KDM4A: variants seen among roughly 807,000 people sequenced by gnomAD.
The protein encoded by KDM4A is lysine demethylase 4A, also known as lysine-specific demethylase 4A.
A neutral mutation model predicts 127.1 loss-of-function variants in KDM4A; 23 were observed. The ratio of observed to expected loss-of-function variants is 0.18; its 90% CI spans 0.13 to 0.26. The LOEUF is 0.26. KDM4A is among the 10% of genes least tolerant of loss of function. KDM4A has a pLI of 1.00. For missense variants in KDM4A, 890 were observed against 1,329.1 expected (o/e 0.67, Z 5.14); for synonymous variants, 443 against 466.5 (o/e 0.95, Z 0.65).
intron 19 of KDM4A, among the ~76,000 whole-genome samples, chr1:43,701,573 C>A (rs1661395055): frequency 6.6e-6 from 1 of 152,210 alleles, no homozygotes; most frequent in Non-Finnish European, 1.5e-5. Flanking sequence ...TGGCTCACTG[C>A]AGCCTCATCC....
intron 11 of KDM4A, among the ~76,000 whole-genome samples, chr1:43,677,133 T>G (rs1472229021): frequency 6.6e-6 from 1 of 152,008 alleles, no homozygotes; most frequent in Non-Finnish European, 1.5e-5. Flanking sequence ...TCATCTGAGG[T>G]CAGGAGTGCG....
At position 43,694,941 on chromosome 1, in the gene KDM4A, C is replaced by A. The variant is rs754127270; in HGVS notation, c.2670+47C>A. ...GAATCCTCTTGACAGTTTTCATGGT[C>A]ATTTTCTCTGCATGTTTTCCATTTG... On this transcript the variant is annotated intron_variant, in intron 18 of 21. Transcript: ENST00000372396. This position sits in a 1 kb window ranked among gnomAD's most constrained non-coding sequence, Gnocchi z 5.2. The A allele has an allele frequency of 2.0e-6, 3 of 1,508,866 alleles. No individual in the cohort carries two copies. Among genetic ancestry groups the A allele is most frequent in the South Asian group, 2.4e-5 (2 of 83,920 alleles). 93.5% of individuals were successfully genotyped at this position (1,508,866 alleles called of 1,614,324 possible).
At chr1:43,670,050 A>G (rs752196892) in intron 10 of KDM4A, among the ~76,000 whole-genome samples, 7 of 152,214 alleles carry the variant, frequency 4.6e-5, no homozygotes, top group Non-Finnish European at 8.8e-5. Flanking sequence ...CTGTGTGACC[A>G]GAAGGTGACG....
intron 5 of KDM4A, among the ~76,000 whole-genome samples, 169 bp downstream of exon 5, chr1:43,663,256 G>A (rs1660424736): frequency 1.3e-5 from 2 of 152,138 alleles, no homozygotes; most frequent in Admixed American, 1.3e-4. Context: ...GCTTGCTGTT[G>A]GAGCTCTGGT....
intron 12 of KDM4A, among the ~76,000 whole-genome samples, chr1:43,687,456 A>G (rs1414044627): frequency 6.6e-6 from 1 of 152,310 alleles, no homozygotes; most frequent in East Asian, 1.9e-4. Context: ...AGCGAGATGC[A>G]TGGATCCCCT....
chr1:43,655,886 C>G (rs2274465), intron 3 of KDM4A, 120 bp downstream of exon 3: 235,668 of 739,136 alleles, frequency 0.32, 39,043 homozygotes, highest in Non-Finnish European at 0.36. Context: ...TGGCTCTGTT[C>G]TAGCTGTCTC....
chr1:43,694,682 C>A lies in KDM4A; in HGVS notation c.2485-27C>A. On this transcript the variant is annotated intron_variant, in intron 17 of 21. Transcript: ENST00000372396. The surrounding 1 kb of genome is among the most constrained non-coding windows in gnomAD (Gnocchi z 5.2). ...AAGCTGCAGTGCCAGTTCCTGCAAT[C>A]ACTGGTTTTCTTCCCCTGTGCTACA... The A allele has an allele frequency of 6.3e-7, 1 of 1,578,838 alleles. No individual in the cohort carries two copies. The highest frequency in any genetic ancestry group is 1.1e-5 in the South Asian group (1 of 89,772).
intron 11 of KDM4A, among the ~76,000 whole-genome samples, chr1:43,682,191 A>T (rs1226359606): frequency 6.6e-6 from 1 of 152,136 alleles, no homozygotes; most frequent in Non-Finnish European, 1.5e-5. Context: ...GGATCCGCCT[A>T]CCTCAGCCTC....
At chr1:43,703,798 T>C (rs1661471838) in intron 20 of KDM4A, 62 bp downstream of exon 20, 1 of 1,603,714 alleles carries the variant, frequency 6.2e-7, no homozygotes. Context: ...TGCTTCCTGT[T>C]GGGCCAGAGG....
At chr1:43,652,898 G>T (rs1222387069) in intron 1 of KDM4A, among the ~76,000 whole-genome samples, 3 of 151,610 alleles carry the variant, frequency 2.0e-5, no homozygotes, top group Non-Finnish European at 4.4e-5. Flanking sequence ...TGGCCAGGCT[G>T]GTCTCAAACT....
chr1:43,663,187 C>G, intron 5 of KDM4A, 100 bp downstream of exon 5: 1 of 1,037,762 alleles, frequency 9.6e-7, no homozygotes, highest in Admixed American at 2.4e-5. Flanking sequence ...AAAGGGCAGA[C>G]CCTGGTTCAG....
chr1:43,694,225 C>G lies in KDM4A; in HGVS notation c.2484+123C>G. 1.3e-6 allele frequency: 1 copy of G among 769,280 alleles called. No individual in the cohort carries two copies. Among genetic ancestry groups the G allele is most frequent in the Non-Finnish European group, 2.1e-6 (1 of 469,748 alleles). 47.7% of individuals were successfully genotyped at this position (769,280 alleles called of 1,614,324 possible). On this transcript the variant is annotated intron_variant, in intron 17 of 21. Transcript: ENST00000372396. This position sits in a 1 kb window ranked among gnomAD's most constrained non-coding sequence, Gnocchi z 5.2. ...GTGATTCTCACTCTGTGGTTAGATT[C>G]CTTAGTGGAGGCCAGGTGTGGTGGC...
chr1:43,655,788 C>T (rs1429473103), intron 3 of KDM4A, 22 bp downstream of exon 3: 2 of 1,592,594 alleles, frequency 1.3e-6, no homozygotes, highest in African/African-American at 2.7e-5. Flanking sequence ...CCCTTTCTTA[C>T]CTGACATAGC....
chr1:43,692,273 A>G lies in KDM4A; in HGVS notation c.2337A>G (p.Ser779=), dbSNP rs1661135289. The G allele has an allele frequency of 1.2e-6, 2 of 1,614,146 alleles. No homozygotes were observed. Among genetic ancestry groups the G allele is most frequent in the East Asian group, 2.2e-5 (1 of 44,874 alleles). ...CTTGGCAGGACTGCTGTTTATGCTC[A>G]TTACGAGGAGGGGCCCTGCAGAGAG... is the stretch of plus-strand genomic sequence containing the variant. ...NALEEDCCLC[S]LRGGALQRAN... is the part of the protein sequence containing the mutation. The change falls in exon 16 of 22, where the codon TCA becomes TCG. Residue 779 remains serine (S), a synonymous_variant. Transcript: ENST00000372396.
At chr1:43,700,636 A>G (rs1254979679) in intron 19 of KDM4A, among the ~76,000 whole-genome samples, 1 of 151,636 alleles carries the variant, frequency 6.6e-6, no homozygotes, top group Non-Finnish European at 1.5e-5. Flanking sequence ...TTGCCCAGGT[A>G]GTCTCAAACT....
In KDM4A at chr1:43,699,095, T is replaced by A. The variant is rs537246070; in HGVS notation, c.2841+1082T>A. On this transcript the variant is annotated intron_variant, in intron 19 of 21. Transcript: ENST00000372396. ...TGAGCCACTGTGCCTGGCCTTATTTTTTTTTTTTTTTTTTTGAGAGAGACC... is the reference window on the plus strand; with the variant it reads ...TGAGCCACTGTGCCTGGCCTTATTTATTTTTTTTTTTTTTTGAGAGAGACC... Among the ~76,000 whole-genome samples, 439 of 150,118 alleles carry A rather than the reference T, an allele frequency of 2.9e-3. 3 individuals are homozygous for A. The highest frequency in any genetic ancestry group is 0.014 in the Middle Eastern group (4 of 292).
chr1:43,702,277 T>G (rs1196906416), intron 19 of KDM4A: 1 of 152,256 alleles, frequency 6.6e-6, no homozygotes, highest in Non-Finnish European at 1.5e-5. Flanking sequence ...TTAAACAATT[T>G]ATCAAATATC....
chr1:43,655,769 G>A lies in KDM4A; in HGVS notation c.314+3G>A. On this transcript the variant is annotated splice_donor_region_variant and intron_variant, in intron 3 of 21. Transcript: ENST00000372396. ...CGCAAGATAGCCAATAGCGATAAGT[G>A]AGTGGAAACCCTTTCTTACCTGACA... The A allele has an allele frequency of 6.2e-7, 1 of 1,605,536 alleles. No individual in the cohort carries two copies. The highest frequency in any genetic ancestry group is 8.5e-7 in the Non-Finnish European group (1 of 1,174,790).
chr1:43,658,234 T>C (rs1322012934), intron 3 of KDM4A, among the ~76,000 whole-genome samples: 1 of 151,740 alleles, frequency 6.6e-6, no homozygotes, highest in Non-Finnish European at 1.5e-5. Flanking sequence ...CACGCCTGGC[T>C]AATTTTTTTG....
Sources: allele counts gnomAD v4.1 joint callset (sites outside exome capture counted in the v4.1 genomes callset), GRCh38; gene constraint gnomAD v4.1.1; non-coding constraint Gnocchi (gnomAD v3.1); transcripts MANE v1.5; gene names NCBI Gene and HGNC (gene_info 2026-07-23, HGNC 2026-07-21).